Variants in NELL1 observed in about 807,000 individuals in gnomAD.
NELL1 encodes neural EGFL like 1, also known as protein kinase C-binding protein NELL1.
A neutral mutation model predicts 107.4 loss-of-function variants in NELL1; 76 were observed. The ratio of observed to expected loss-of-function variants is 0.71; its 90% CI spans 0.59 to 0.86. The LOEUF is 0.86. Ranked by LOEUF, NELL1 falls within the 40% of genes least tolerant of loss-of-function variation. The pLI, the probability that NELL1 is intolerant of heterozygous loss-of-function variation, is 0.00. For synonymous variants in NELL1, 353 were observed against 341.2 expected, an observed-to-expected ratio of 1.03 and a Z score of -0.38; for missense variants, 1,024 against 1,005.5, an observed-to-expected ratio of 1.02 and a Z score of -0.25.
At chr11:21,566,305 A>G (rs1314094773) in intron 17 of NELL1, among the ~76,000 whole-genome samples, 1 of 151,896 alleles carries the variant, frequency 6.6e-6, no homozygotes, top group Non-Finnish European at 1.5e-5. Context: ...AAAATGAGTG[A>G]TATTATGTAA....
At chr11:21,141,564 T>G (rs1265163632) in intron 13 of NELL1, among the ~76,000 whole-genome samples, 1 of 152,100 alleles carries the variant, frequency 6.6e-6, no homozygotes, top group Non-Finnish European at 1.5e-5. Context: ...GGATTTTAAG[T>G]AAGAAATCTG....
At position 20,823,487 on chromosome 11, in the gene NELL1, A is replaced by G. The variant is rs994915378; in HGVS notation, c.336-24096A>G. 1.3e-5 allele frequency among the ~76,000 whole-genome samples: 2 copies of G among 151,302 alleles called. 1 individual carries two copies. Among genetic ancestry groups the G allele is most frequent in the Admixed American group, 1.3e-4 (2 of 15,050 alleles). On this transcript the variant is annotated intron_variant, in intron 3 of 19. Coordinates refer to ENST00000357134, the MANE Select transcript of NELL1 (RefSeq NM_006157.5). ...CAGCAGTAGGACTGCAGGGAGGGTC[A>G]CATGGAAACATTGAGTCTTTTTCCA...
At position 21,233,225 on chromosome 11, in the gene NELL1, A is replaced by G. The variant is rs532731173; in HGVS notation, c.1549+3771A>G. On this transcript the variant is annotated intron_variant, in intron 14 of 19. Transcript: ENST00000357134. ...AAAACTCTCATTAAGTATGTGCAAG[A>G]CACCTTGATGTGTGTATTCATATAT... Among the ~76,000 whole-genome samples, 9 of 152,300 alleles carry G rather than the reference A, an allele frequency of 5.9e-5. No individual in the cohort carries two copies. The South Asian group carries it at 1.7e-3, about 28-fold the overall frequency.
intron 15 of NELL1, among the ~76,000 whole-genome samples, chr11:21,407,542 A>G (rs1488999256): frequency 6.6e-6 from 1 of 151,944 alleles, no homozygotes; most frequent in Non-Finnish European, 1.5e-5. Flanking sequence ...AATTTAGTAT[A>G]TGAATTATTT....
chr11:21,132,554 G>A (rs976450611), intron 13 of NELL1, among the ~76,000 whole-genome samples: 6 of 152,188 alleles, frequency 3.9e-5, no homozygotes, highest in Non-Finnish European at 7.3e-5. Context: ...GCTGGCACAG[G>A]TGCTAGCTCC....
intron 19 of NELL1, among the ~76,000 whole-genome samples, chr11:21,573,784 G>A (rs984744602): frequency 6.6e-6 from 1 of 151,368 alleles, no homozygotes; most frequent in Non-Finnish European, 1.5e-5. Flanking sequence ...AGGGAGGGAG[G>A]GAAAGAGGGA....
intron 2 of NELL1, among the ~76,000 whole-genome samples, chr11:20,697,605 C>G (rs1002191476): frequency 6.6e-6 from 1 of 151,896 alleles, no homozygotes; most frequent in African/African-American, 2.4e-5. Flanking sequence ...TTGTGGAAGA[C>G]CTAGATGAAT....
At chr11:21,331,957 T>C (rs138849625) in intron 14 of NELL1, among the ~76,000 whole-genome samples, 5 of 152,192 alleles carry the variant, frequency 3.3e-5, no homozygotes, top group Non-Finnish European at 5.9e-5. Flanking sequence ...CTCTTTCCCC[T>C]TGTGGCATGT....
chr11:21,431,468 G>T (rs1479458968), intron 15 of NELL1, among the ~76,000 whole-genome samples: 1 of 152,106 alleles, frequency 6.6e-6, no homozygotes, highest in Non-Finnish European at 1.5e-5. Context: ...CTAGCACTTT[G>T]TAGGAGCTCA....
At chr11:21,309,657 G>C (rs1257870979) in intron 14 of NELL1, among the ~76,000 whole-genome samples, 3 of 152,078 alleles carry the variant, frequency 2.0e-5, no homozygotes, top group Middle Eastern at 3.4e-3. Context: ...GCTTAATGGA[G>C]TTACAGTTCC....
intron 4 of NELL1, among the ~76,000 whole-genome samples, chr11:20,872,169 A>G (rs1344194426): frequency 5.8e-5 from 7 of 120,004 alleles, no homozygotes; most frequent in African/African-American, 2.1e-4. Context: ...CCTCTATCAG[A>G]GATTTTTTTT....
chr11:21,532,711 T>G (rs2133968993), intron 15 of NELL1, among the ~76,000 whole-genome samples: 1 of 152,310 alleles, frequency 6.6e-6, no homozygotes, highest in Middle Eastern at 3.4e-3. Context: ...GCTGCTTTGT[T>G]ACAGAGAGTT....
At chr11:21,310,910 G>T (rs1849736084) in intron 14 of NELL1, among the ~76,000 whole-genome samples, 1 of 152,090 alleles carries the variant, frequency 6.6e-6, no homozygotes, top group Non-Finnish European at 1.5e-5. Context: ...AGAATTCATT[G>T]AAAGGTTTTA....
chr11:21,307,320 ATGTGTGTGTGTT>A (rs1410350238), intron 14 of NELL1, among the ~76,000 whole-genome samples: 2 of 151,764 alleles, frequency 1.3e-5, no homozygotes, highest in Non-Finnish European at 2.9e-5. Context: ...CTAACCCTGG[ATGTGTGTGTGTT>A]TGTGTGTGTG....
chr11:20,971,378 G>A (rs1851498132), intron 12 of NELL1, among the ~76,000 whole-genome samples: 1 of 152,078 alleles, frequency 6.6e-6, no homozygotes, highest in South Asian at 2.1e-4. Flanking sequence ...AGGGAAAAAC[G>A]TCCCTGCTTT....
chr11:21,088,062 TGTGTG>T (rs1565052600), intron 12 of NELL1, among the ~76,000 whole-genome samples: 6 of 63,030 alleles, frequency 9.5e-5, no homozygotes, highest in African/African-American at 5.4e-4. Flanking sequence ...AGTAGCTCTG[TGTGTG>T]TGTGTGTGTG....
intron 13 of NELL1, among the ~76,000 whole-genome samples, chr11:21,203,246 G>A (rs1163271561): frequency 6.6e-6 from 1 of 152,116 alleles, no homozygotes; most frequent in African/African-American, 2.4e-5. Flanking sequence ...CTATTATTGG[G>A]TGGGAGTCTA....
rs1242467428 is a variant in NELL1, at chr11:20,915,699, T to TTATATATATATATATATA, written c.604-2483_604-2482insTATATATATATATATATA. 1.3e-3 allele frequency among the ~76,000 whole-genome samples: 26 copies of TTATATATATATATATATA among 20,384 alleles called. 2 individuals carry two copies. The highest frequency in any genetic ancestry group is 0.012 in the South Asian group (4 of 330). The allele number at this position is 20,384 out of a possible 152,430, so 13.4% of individuals were successfully genotyped here. ...TTTCATCTGTGGAAATCCTCATAGA[T>TTATATATATATATATATA]GATATATATATATATATATTTTTTT... On this transcript the variant is annotated intron_variant, in intron 5 of 19. Transcript: ENST00000357134.
intron 16 of NELL1, among the ~76,000 whole-genome samples, chr11:21,537,578 C>T (rs1856169403): frequency 6.6e-6 from 1 of 152,034 alleles, no homozygotes; most frequent in African/African-American, 2.4e-5. Flanking sequence ...TGTTATAATA[C>T]TTTTATATCT....
Sources: gnomAD v4.1 joint callset for allele counts (sites outside exome capture counted in the v4.1 genomes callset) on GRCh38, gnomAD v4.1.1 for gene constraint, MANE v1.5 for transcripts, NCBI Gene and HGNC (gene_info 2026-07-23, HGNC 2026-07-21) for gene names.